PCNT: variants seen among roughly 807,000 people sequenced by gnomAD.
PCNT encodes the protein kendrin.
In PCNT, 319 loss-of-function variants were observed where a neutral mutation model predicts 380.4. The ratio of observed to expected loss-of-function variants is 0.84; its 90% confidence interval spans 0.77 to 0.92. PCNT has a LOEUF of 0.92. Ranked by LOEUF, PCNT falls within the 40% of genes least tolerant of loss-of-function variation. The pLI is 0.00. For missense variants in PCNT, 4,400 were observed against 4,255.3 expected (o/e 1.03, Z -0.95); for synonymous variants, 1,845 against 1,735.2 (o/e 1.06, Z -1.57).
chr21:46,385,422 C>T (rs541326388), intron 16 of PCNT, among the ~76,000 whole-genome samples: 33 of 152,344 alleles, frequency 2.2e-4, no homozygotes, highest in South Asian at 1.7e-3. Context: ...TGACTTATTT[C>T]GAATTGCTGT....
chr21:46,374,921 C>T (rs943801354), intron 15 of PCNT, among the ~76,000 whole-genome samples: 1 of 151,448 alleles, frequency 6.6e-6, no homozygotes, highest in African/African-American at 2.4e-5. Flanking sequence ...GGGTCATTGT[C>T]CCAGAATAGC....
At chr21:46,354,581 T>C (rs1035082128) in intron 11 of PCNT, among the ~76,000 whole-genome samples, 1 of 152,184 alleles carries the variant, frequency 6.6e-6, no homozygotes, top group Non-Finnish European at 1.5e-5. Flanking sequence ...GTGGAGCACT[T>C]GATGTGCAGC....
intron 14 of PCNT, among the ~76,000 whole-genome samples, chr21:46,364,774 G>A (rs2084840601): frequency 6.6e-6 from 1 of 152,188 alleles, no homozygotes; most frequent in Non-Finnish European, 1.5e-5. Flanking sequence ...GGGCCGCACA[G>A]GGCCCCGCTC....
chr21:46,343,580 C>CT (rs1569173249), intron 3 of PCNT, among the ~76,000 whole-genome samples: 1 of 152,006 alleles, frequency 6.6e-6, no homozygotes, highest in Admixed American at 6.6e-5. Context: ...CTGTAGTTTT[C>CT]TTTTTTTGTT....
At position 46,445,668 on chromosome 21, in the gene PCNT, TTG is replaced by T; in HGVS notation, c.*343_*344del. 3.3e-6 allele frequency: 1 copy of T among 304,354 alleles called. No individual in the cohort carries two copies. Among genetic ancestry groups the T allele is most frequent in the Non-Finnish European group, 6.0e-6 (1 of 167,200 alleles). 18.9% of individuals were successfully genotyped at this position (304,354 alleles called of 1,614,324 possible). On this transcript the variant is annotated 3_prime_UTR_variant, in exon 47 of 47. Coordinates refer to ENST00000359568, the MANE Select transcript of PCNT (RefSeq NM_006031.6). Reference sequence around the variant, plus strand: ...ACACAGAGAATGGCTTCCTGTTGTTTTGTTTATTTTCTTAACGTGTACAGATG... The same window carrying T: ...ACACAGAGAATGGCTTCCTGTTGTTTTTTATTTTCTTAACGTGTACAGATG...
Position 46,411,552 on chromosome 21 carries a change from GC to G in PCNT, c.5480del (p.Ala1827GlufsTer16), listed in dbSNP as rs2086784918. 6.2e-7 allele frequency: 1 copy of G among 1,612,094 alleles called. No individual in the cohort carries two copies. Among genetic ancestry groups the G allele is most frequent in the African/African-American group, 1.3e-5 (1 of 74,912 alleles). On this transcript the variant is annotated frameshift_variant, in exon 28 of 47. Transcript: ENST00000359568. LOFTEE classifies it high-confidence loss of function. ...GGCCCTGCAGCAGCGCCTCCAGGGC[GC>G]AGAGGAGGCTGCGGAGCTACAGCTG... is the stretch of plus-strand genomic sequence containing the variant. ...LEALQQRLQGAEEAAELQLAE... is the reference protein window; with the variant it reads ...LEALQQRLQGXEEAAELQLAE...
intron 16 of PCNT, among the ~76,000 whole-genome samples, chr21:46,383,788 G>T (rs1351035060): frequency 1.8e-5 from 2 of 113,836 alleles, no homozygotes; most frequent in South Asian, 3.3e-4. Flanking sequence ...GGTGTTGTGC[G>T]TTCAGTGGCA....
rs779847545 is a variant in PCNT, at chr21:46,391,275, T to C, written c.4115T>C (p.Leu1372Pro). The change falls in exon 21 of 47, where the codon CTG becomes CCG. Residue 1372 changes from leucine (L) to proline (P), a missense_variant. By Grantham distance (98) the Leu-to-Pro change is moderately conservative. Coordinates refer to ENST00000359568, the MANE Select transcript of PCNT (RefSeq NM_006031.6). ...VLELESLRRQ[L>P]QQAAQEQAAL... is the part of the protein sequence containing the mutation. ...GAGCTGGAGAGCCTGAGACGGCAGC[T>C]GCAGCAGGCGGCCCAGGAGCAGGCG... 4.6e-5 allele frequency: 74 copies of C among 1,592,600 alleles called. No individual in the cohort carries two copies. Among genetic ancestry groups the C allele is most frequent in the Non-Finnish European group, 6.2e-5 (72 of 1,169,944 alleles).
In PCNT at chr21:46,416,063, C is replaced by G. The variant is rs548483411; in HGVS notation, c.6151-6C>G. The G allele has an allele frequency of 1.1e-5, 17 of 1,613,950 alleles. 1 individual carries two copies. In the South Asian group the frequency reaches 1.6e-4, roughly 16 times the overall value. On this transcript the variant is annotated splice_polypyrimidine_tract_variant and splice_region_variant and intron_variant, in intron 29 of 46. Coordinates refer to ENST00000359568, the MANE Select transcript of PCNT (RefSeq NM_006031.6). ...CCACCGTGCACCTGTTCTGTTTCAC[C>G]TGCAGGGTAAAGAAAAAGTACTGGA...
intron 10 of PCNT, among the ~76,000 whole-genome samples, 163 bp downstream of exon 10, chr21:46,353,489 C>T (rs1335497225): frequency 6.6e-6 from 1 of 152,144 alleles, no homozygotes; most frequent in African/African-American, 2.4e-5. Flanking sequence ...GGCACGGGCA[C>T]CCGAGAGTGG....
chr21:46,422,248 C>T, intron 32 of PCNT, 124 bp downstream of exon 32: 3 of 1,240,162 alleles, frequency 2.4e-6, no homozygotes, highest in Admixed American at 3.9e-5. Flanking sequence ...TGCCTCTGAG[C>T]ACCTGCATTT....
chr21:46,364,185 C>T (rs1216359125), intron 14 of PCNT, among the ~76,000 whole-genome samples: 1 of 151,652 alleles, frequency 6.6e-6, no homozygotes, highest in Non-Finnish European at 1.5e-5. Context: ...TGTGCTCGGA[C>T]AGGCAGGCTA....
At chr21:46,345,168 A>G (rs2084026466) in intron 3 of PCNT, among the ~76,000 whole-genome samples, 1 of 152,172 alleles carries the variant, frequency 6.6e-6, no homozygotes, top group Non-Finnish European at 1.5e-5. Context: ...CCGTGGCAGC[A>G]CTGCTGTGGC....
intron 15 of PCNT, among the ~76,000 whole-genome samples, chr21:46,375,696 T>C (rs907520991): frequency 6.6e-6 from 1 of 152,244 alleles, no homozygotes; most frequent in East Asian, 1.9e-4. Context: ...GGATCACATG[T>C]GGGGCACTGG....
intron 28 of PCNT, 72 bp downstream of exon 28, chr21:46,412,139 T>C: frequency 6.6e-7 from 1 of 1,523,910 alleles, no homozygotes; most frequent in Non-Finnish European, 8.9e-7. Context: ...GTCAATGACT[T>C]CTCTCTGCGC....
chr21:46,382,053 A>G (rs1356809795), intron 16 of PCNT, among the ~76,000 whole-genome samples: 2 of 132,020 alleles, frequency 1.5e-5, no homozygotes, highest in African/African-American at 5.4e-5. Context: ...GCGGAAGCGC[A>G]TTCACCATGT....
At chr21:46,349,930 T>C in intron 8 of PCNT, 110 bp downstream of exon 8, 3 of 1,092,620 alleles carry the variant, frequency 2.7e-6, no homozygotes, top group Non-Finnish European at 4.1e-6. Context: ...AAGTTCTAAA[T>C]TTAAAGAGAC....
chr21:46,380,585 C>T (rs2085497021), intron 15 of PCNT, among the ~76,000 whole-genome samples: 1 of 151,936 alleles, frequency 6.6e-6, no homozygotes, highest in African/African-American at 2.4e-5. Context: ...CTGTCCCCCA[C>T]CCCACCCCAG....
chr21:46,385,096 T>G (rs1282035505), intron 16 of PCNT, among the ~76,000 whole-genome samples: 1 of 152,178 alleles, frequency 6.6e-6, no homozygotes, highest in Non-Finnish European at 1.5e-5. Flanking sequence ...GGCTCACACC[T>G]TTAATCCCAG....
Sources: gnomAD v4.1 joint callset for allele counts (sites outside exome capture counted in the v4.1 genomes callset) on GRCh38, gnomAD v4.1.1 for gene constraint, MANE v1.5 for transcripts, NCBI Gene and HGNC (gene_info 2026-07-23, HGNC 2026-07-21) for gene names.